The following STAT3 variants were observed in gnomAD, a reference collection of about 807,000 sequenced individuals.
STAT3 encodes DNA-binding protein APRF.
In STAT3, 7 loss-of-function variants were observed where a neutral mutation model predicts 114.3. The ratio of observed to expected loss-of-function variants is 0.06; its 90% CI spans 0.03 to 0.11. The LOEUF is 0.11. Among genes scored for constraint, STAT3 ranks in the 10% least tolerant of loss-of-function variants. The probability of loss-of-function intolerance (pLI) is 1.00; values close to 1 mark genes in which losing one functional copy is unlikely to be tolerated. For synonymous variants in STAT3, 331 were observed against 354.5 expected, an observed-to-expected ratio of 0.93 and a Z score of 0.74; for missense variants, 364 against 960.9, an observed-to-expected ratio of 0.38 and a Z score of 8.21.
chr17:42,366,208 C>T (rs1186409493), intron 1 of STAT3, among the ~76,000 whole-genome samples: 1 of 152,144 alleles, frequency 6.6e-6, no homozygotes, highest in African/African-American at 2.4e-5. Flanking sequence ...TCCCAGCCGG[C>T]TTCTCCTCCA....
rs2082372618 is a variant in STAT3 at position 42,339,974 on chromosome 17, A to T, written c.373-565T>A. 2.0e-5 allele frequency among the ~76,000 whole-genome samples: 3 copies of T among 152,160 alleles called. No individual in the cohort carries two copies. The South Asian group carries it at 6.2e-4, about 32-fold the overall frequency. On this transcript the variant is annotated intron_variant, in intron 4 of 23. Coordinates refer to ENST00000264657, the MANE Select transcript of STAT3 (RefSeq NM_139276.3). ...GAGGCCAGGAGTTCAAAACTAGCCT[A>T]GTCAACATAGTGAGGCCCCATCTCG... is the stretch of plus-strand genomic sequence containing the variant.
intron 1 of STAT3, among the ~76,000 whole-genome samples, chr17:42,381,731 CAAAAAAA>C (rs398038044): frequency 1.7e-5 from 1 of 57,766 alleles, no homozygotes; most frequent in South Asian, 5.9e-4. Context: ...GACTCCATCT[CAAAAAAA>C]AAAAAAAAAA....
intron 1 of STAT3, among the ~76,000 whole-genome samples, chr17:42,369,097 C>A (rs938547281): frequency 6.6e-6 from 1 of 152,114 alleles, no homozygotes; most frequent in Non-Finnish European, 1.5e-5. Flanking sequence ...CACGGTGGCT[C>A]ACACGTAATC....
At chr17:42,345,690 G>T in intron 3 of STAT3, 33 bp from the exon 4 acceptor site, 1 of 1,554,960 alleles carries the variant, frequency 6.4e-7, no homozygotes. Flanking sequence ...ATAAAAATCA[G>T]CAGCAGACCA....
rs1296493900 is a variant in STAT3, at chr17:42,315,708, TCAGTCGTATCTTTCTG to T, written c.*21_*36del. On this transcript the variant is annotated 3_prime_UTR_variant, in exon 24 of 24. Transcript: ENST00000264657. Reference sequence around the variant, plus strand: ...GGGTGGCAGAATGCAGGTAGGCGCCTCAGTCGTATCTTTCTGCAGCTTCCGTTCTCAGCTCCTCACA... The same window carrying T: ...GGGTGGCAGAATGCAGGTAGGCGCCTCAGCTTCCGTTCTCAGCTCCTCACA... 6.2e-7 allele frequency: 1 copy of T among 1,602,554 alleles called. No homozygotes were observed. Among genetic ancestry groups the T allele is most frequent in the Admixed American group, 1.7e-5 (1 of 60,006 alleles).
In STAT3 at chr17:42,324,667, T is replaced by G. The variant is rs912518679; in HGVS notation, c.1600+44A>C. On this transcript the variant is annotated intron_variant, in intron 17 of 23. Coordinates refer to ENST00000264657, the MANE Select transcript of STAT3 (RefSeq NM_139276.3). The surrounding 1 kb of genome is among the most constrained non-coding windows in gnomAD (Gnocchi z 4.5). ...GAACAGCCCTATGGGCCGGATCCCTTTTCTGGGCGGGTGGGCGGGAGGGAG... is the reference window on the plus strand; with the variant it reads ...GAACAGCCCTATGGGCCGGATCCCTGTTCTGGGCGGGTGGGCGGGAGGGAG... 13 of 1,180,816 alleles carry G rather than the reference T, an allele frequency of 1.1e-5. No homozygotes were observed. In the African/African-American group the frequency reaches 2.2e-4, roughly 20 times the overall value. The allele number at this position is 1,180,816 out of a possible 1,614,324, so 73.1% of individuals were successfully genotyped here.
chr17:42,382,814 T>G (rs193062536), intron 1 of STAT3, among the ~76,000 whole-genome samples: 1 of 149,434 alleles, frequency 6.7e-6, no homozygotes, highest in Non-Finnish European at 1.5e-5. Flanking sequence ...GCTGGGCTAA[T>G]TTTTTGTATT....
At chr17:42,323,860 C>A (rs534564496) in intron 17 of STAT3, among the ~76,000 whole-genome samples, 10 of 152,280 alleles carry the variant, frequency 6.6e-5, no homozygotes, top group Non-Finnish European at 1.5e-4. Context: ...TATAACAAGT[C>A]CCCCTGCTCT....
chr17:42,318,998 T>G (rs1184406506), intron 21 of STAT3, among the ~76,000 whole-genome samples: 1 of 152,070 alleles, frequency 6.6e-6, no homozygotes, highest in Non-Finnish European at 1.5e-5. Flanking sequence ...CCCTGCACTT[T>G]GGGAGGCTGA....
chr17:42,360,554 G>C (rs181423040), intron 1 of STAT3, among the ~76,000 whole-genome samples: 2 of 151,952 alleles, frequency 1.3e-5, no homozygotes, highest in Non-Finnish European at 2.9e-5. Flanking sequence ...TAAGGCAGGG[G>C]AATTGCTTGA....
At chr17:42,322,928 T>C in intron 20 of STAT3, 76 bp downstream of exon 20, 2 of 1,607,880 alleles carry the variant, frequency 1.2e-6, no homozygotes, top group Middle Eastern at 2.2e-4. Flanking sequence ...CAGGGGGCAG[T>C]AGGTGCTTGC....
At chr17:42,316,695 C>A in intron 23 of STAT3, 94 bp downstream of exon 23, 2 of 1,575,220 alleles carry the variant, frequency 1.3e-6, no homozygotes, top group East Asian at 2.3e-5. Context: ...CCTACCATTC[C>A]GAGTGACCAG....
At chr17:42,330,740 T>G (rs1174471730) in intron 11 of STAT3, among the ~76,000 whole-genome samples, 3 of 152,194 alleles carry the variant, frequency 2.0e-5, no homozygotes, top group Non-Finnish European at 4.4e-5. Context: ...ACATTTTCTC[T>G]TTTCTAATGT....
chr17:42,317,814 G>A lies in STAT3; in HGVS notation c.2102-590C>T, dbSNP rs141732716. The stretch of plus-strand genomic sequence containing the variant: ...AGTAACTTTCTAGTTGGATAAATAC[G>A]TCAATCAAAAAGCACCAAAGAGAAT... On this transcript the variant is annotated intron_variant, in intron 21 of 23. Transcript: ENST00000264657. Among the ~76,000 whole-genome samples, 823 of 152,254 alleles carry A rather than the reference G, an allele frequency of 5.4e-3. 5 individuals carry two copies. The highest frequency in any genetic ancestry group is 0.031 in the Middle Eastern group (9 of 294).
intron 1 of STAT3, chr17:42,387,685 G>A (rs902640207): frequency 6.6e-6 from 1 of 152,038 alleles, no homozygotes; most frequent in African/African-American, 2.4e-5. Context: ...AAAGAGTACC[G>A]GTCTGTCAAT....
chr17:42,378,903 ATG>A (rs2084622305), intron 1 of STAT3, among the ~76,000 whole-genome samples: 5 of 152,358 alleles, frequency 3.3e-5, no homozygotes, highest in Admixed American at 3.3e-4. Context: ...ATGAGAAAAA[ATG>A]TGAAAAAACA....
chr17:42,353,828 C>A (rs2083092222), intron 1 of STAT3, among the ~76,000 whole-genome samples: 1 of 152,156 alleles, frequency 6.6e-6, no homozygotes, highest in East Asian at 1.9e-4. Flanking sequence ...CCCACCTCAG[C>A]CTCCCAAAGT....
intron 14 of STAT3, 94 bp downstream of exon 14, chr17:42,329,316 T>G: frequency 1.3e-6 from 2 of 1,563,590 alleles, no homozygotes; most frequent in Non-Finnish European, 1.8e-6. Context: ...AAGAACAGGT[T>G]GATGTTTCTA....
intron 1 of STAT3, among the ~76,000 whole-genome samples, chr17:42,380,097 C>T (rs1278916364): frequency 6.6e-6 from 1 of 152,052 alleles, no homozygotes; most frequent in South Asian, 2.1e-4. Context: ...TGCAGCGGCG[C>T]GATCTCAGCT....
Sources: gnomAD v4.1 joint callset for allele counts (sites outside exome capture counted in the v4.1 genomes callset) on GRCh38, gnomAD v4.1.1 for gene constraint, Gnocchi (gnomAD v3.1) non-coding constraint, MANE v1.5 for transcripts, NCBI Gene and HGNC (gene_info 2026-07-23, HGNC 2026-07-21) for gene names.